PPP2R2B: variants seen among roughly 807,000 people sequenced by gnomAD.
PPP2R2B encodes protein phosphatase 2 regulatory subunit Bbeta.
Under a neutral mutation model 46.0 loss-of-function variants are expected in PPP2R2B, and 5 were observed. That is an observed-to-expected ratio of 0.11 (90% CI 0.06 to 0.23). The LOEUF (loss-of-function observed/expected upper bound fraction) is 0.23, where lower values mean the gene tolerates loss of function less well. Among genes scored for constraint, PPP2R2B ranks in the 10% least tolerant of loss-of-function variants. The probability of loss-of-function intolerance (pLI) is 1.00; values close to 1 mark genes in which losing one functional copy is unlikely to be tolerated. For missense variants in PPP2R2B, 367 were observed against 575.0 expected (o/e 0.64, Z 3.70); for synonymous variants, 215 against 206.7 (o/e 1.04, Z -0.34).
chr5:146,926,384 A>C lies in PPP2R2B; in HGVS notation c.79+129281T>G, dbSNP rs193030066. On this transcript the variant is annotated intron_variant, in intron 1 of 8. Coordinates refer to the PPP2R2B transcript ENST00000336640. ...TATACATTCCTGATTTTATTTATTT[A>C]TTTATTTATTTACTTTTTTTTTGTT... 4.0e-5 allele frequency among the ~76,000 whole-genome samples: 6 copies of C among 151,744 alleles called. No individual in the cohort carries two copies. In the East Asian group the frequency reaches 1.2e-3, roughly 29 times the overall value.
At chr5:146,670,893 A>G (rs940074201) in intron 5 of PPP2R2B, among the ~76,000 whole-genome samples, 2 of 152,186 alleles carry the variant, frequency 1.3e-5, no homozygotes, top group African/African-American at 4.8e-5. Context: ...GTTTTCTATG[A>G]ATTGTCAAAA....
chr5:146,995,501 T>C (rs1424791383), intron 1 of PPP2R2B, among the ~76,000 whole-genome samples: 1 of 152,172 alleles, frequency 6.6e-6, no homozygotes, highest in African/African-American at 2.4e-5. Flanking sequence ...TCAGGAATGA[T>C]ATGGGAATTT....
chr5:146,840,222 C>G (rs1442829115), intron 2 of PPP2R2B, among the ~76,000 whole-genome samples: 1 of 147,680 alleles, frequency 6.8e-6, no homozygotes, highest in African/African-American at 2.4e-5. Context: ...ATTGAGTTCC[C>G]TTGAATATAC....
intron 7 of PPP2R2B, among the ~76,000 whole-genome samples, chr5:146,602,402 A>T (rs1255079735): frequency 1.3e-5 from 2 of 152,222 alleles, no homozygotes; most frequent in African/African-American, 4.8e-5. Context: ...CTGGGTGCTT[A>T]GCATGTATAG....
At chr5:146,944,605 G>GA (rs904119789) in intron 1 of PPP2R2B, among the ~76,000 whole-genome samples, 9 of 150,076 alleles carry the variant, frequency 6.0e-5, no homozygotes, top group African/African-American at 1.5e-4. Context: ...GATTTAAAGA[G>GA]AAAAAAAAAG....
At chr5:146,841,209 C>A (rs1015416148) in intron 2 of PPP2R2B, among the ~76,000 whole-genome samples, 4 of 152,182 alleles carry the variant, frequency 2.6e-5, no homozygotes, top group African/African-American at 9.6e-5. Context: ...CCTTCTCTTT[C>A]TGAATGCATG....
intron 5 of PPP2R2B, among the ~76,000 whole-genome samples, chr5:146,685,478 G>A (rs79940695): frequency 0.085 from 12,930 of 152,222 alleles, 609 homozygotes; most frequent in East Asian, 0.17. Flanking sequence ...AGTTCTCTAG[G>A]AGACAAATCA....
At chr5:146,773,967 A>G (rs1755023187) in intron 2 of PPP2R2B, among the ~76,000 whole-genome samples, 1 of 152,208 alleles carries the variant, frequency 6.6e-6, no homozygotes, top group African/African-American at 2.4e-5. Flanking sequence ...AACCCGTCGT[A>G]ATAGGTAATG....
upstream of PPP2R2B, chr5:147,056,193 A>G: frequency 1.1e-6 from 1 of 896,838 alleles, no homozygotes. Context: ...CAGATGAAAC[A>G]AAGACAGCAT....
At chr5:146,888,001 T>C (rs1010369034) in intron 1 of PPP2R2B, among the ~76,000 whole-genome samples, 5 of 152,178 alleles carry the variant, frequency 3.3e-5, no homozygotes, top group Non-Finnish European at 5.9e-5. Context: ...AATTGAGTAC[T>C]CTCTCCTTCC....
At chr5:146,655,342 C>G (rs960195122) in intron 5 of PPP2R2B, among the ~76,000 whole-genome samples, 4 of 152,164 alleles carry the variant, frequency 2.6e-5, no homozygotes, top group African/African-American at 9.7e-5. Flanking sequence ...AAGCTCTTCC[C>G]CCCCAGAGAG....
chr5:147,078,667 C>T (rs1757871933), intron 2 of PPP2R2B, among the ~76,000 whole-genome samples: 2 of 151,680 alleles, frequency 1.3e-5, no homozygotes, highest in Non-Finnish European at 2.9e-5. Flanking sequence ...ATAAGCTGGG[C>T]ATATTTGGTG....
At chr5:146,793,118 G>C (rs567432210) in intron 2 of PPP2R2B, among the ~76,000 whole-genome samples, 1 of 152,288 alleles carries the variant, frequency 6.6e-6, no homozygotes, top group East Asian at 1.9e-4. Flanking sequence ...TTTAAAAATA[G>C]AGCCAATATG....
chr5:146,770,330 CAAAAAAAA>C (rs5871992), intron 2 of PPP2R2B, among the ~76,000 whole-genome samples: 3 of 60,060 alleles, frequency 5.0e-5, no homozygotes, highest in African/African-American at 8.0e-5. Context: ...GATTCCGTCT[CAAAAAAAA>C]AAAAAAAAAA....
chr5:147,077,248 TAC>T lies in PPP2R2B; in HGVS notation c.50+3809_50+3810del, dbSNP rs796855257. On this transcript the variant is annotated intron_variant, in intron 2 of 10. Transcript: ENST00000394413. ...TATGCATAAATATAATATATACATA[TAC>T]GTTATACATATATGTATGTGTGTAT... Among the ~76,000 whole-genome samples the T allele has an allele frequency of 1.5e-4, 21 of 144,300 alleles. 1 individual carries two copies. The South Asian group carries it at 4.3e-3, about 29-fold the overall frequency. The allele number at this position is 144,300 out of a possible 152,430, so 94.7% of individuals were successfully genotyped here. A position where few individuals can be genotyped will look rare whatever the true frequency, so the allele number is the denominator to read the frequency against.
chr5:147,076,859 T>C (rs1292877931), intron 2 of PPP2R2B, among the ~76,000 whole-genome samples: 1 of 152,028 alleles, frequency 6.6e-6, no homozygotes, highest in East Asian at 1.9e-4. Flanking sequence ...TCTGAGACAG[T>C]ACCCTGGATA....
Position 146,584,681 on chromosome 5 carries a change from T to C in PPP2R2B, c.*5266A>G, listed in dbSNP as rs1770050679. ...ATTGCAATAACTACTCAGGAAATATTGGTTTCCTTTTATTCTTTCCGTCTA... is the reference window on the plus strand; with the variant it reads ...ATTGCAATAACTACTCAGGAAATATCGGTTTCCTTTTATTCTTTCCGTCTA... On this transcript the variant is annotated 3_prime_UTR_variant, in exon 10 of 10. Transcript: ENST00000394411. 6.6e-6 allele frequency: 1 copy of C among 152,244 alleles called. No individual in the cohort carries two copies. Among genetic ancestry groups the C allele is most frequent in the South Asian group, 2.1e-4 (1 of 4,830 alleles). 9.4% of individuals were successfully genotyped at this position (152,244 alleles called of 1,614,324 possible).
At chr5:146,885,235 A>G (rs1762283818) in intron 1 of PPP2R2B, among the ~76,000 whole-genome samples, 1 of 152,142 alleles carries the variant, frequency 6.6e-6, no homozygotes, top group African/African-American at 2.4e-5. Flanking sequence ...TAATAGAGGT[A>G]AATAATATAA....
chr5:147,032,690 T>G (rs1755847046), intron 1 of PPP2R2B, among the ~76,000 whole-genome samples: 1 of 152,212 alleles, frequency 6.6e-6, no homozygotes, highest in Admixed American at 6.5e-5. Flanking sequence ...GTTAATTCAT[T>G]CTTATTTATG....
Sources: gnomAD v4.1 joint callset for allele counts (sites outside exome capture counted in the v4.1 genomes callset) on GRCh38, gnomAD v4.1.1 for gene constraint, MANE v1.5 for transcripts, NCBI Gene and HGNC (gene_info 2026-07-23, HGNC 2026-07-21) for gene names.